CSMD1: variants seen among roughly 807,000 people sequenced by gnomAD.
CSMD1 encodes CUB and sushi domain-containing protein 1.
In CSMD1, 213 loss-of-function variants were observed where a neutral mutation model predicts 417.5. The observed-to-expected ratio is 0.51, with a 90% CI of 0.46 to 0.57. CSMD1 has a LOEUF of 0.57. CSMD1 is among the 20% of genes least tolerant of loss of function. The pLI is 0.00. For missense variants in CSMD1, 6,923 were observed against 4,529.7 expected (o/e 1.53, Z -15.17); for synonymous variants, 2,862 against 1,736.8 (o/e 1.65, Z -16.11).
At chr8:4,072,492 C>G (rs556145055) in intron 3 of CSMD1, among the ~76,000 whole-genome samples, 18 of 152,118 alleles carry the variant, frequency 1.2e-4, no homozygotes, top group Admixed American at 6.6e-4. Flanking sequence ...GGAATTGTGA[C>G]TATAATCCAT....
intron 21 of CSMD1, among the ~76,000 whole-genome samples, chr8:3,358,335 G>A (rs1808932502): frequency 6.6e-6 from 1 of 152,164 alleles, no homozygotes; most frequent in South Asian, 2.1e-4. Context: ...AGAACAATTT[G>A]TAAGACCCAG....
intron 1 of CSMD1, among the ~76,000 whole-genome samples, chr8:4,898,072 T>C (rs951083471): frequency 2.2e-4 from 33 of 152,114 alleles, no homozygotes; most frequent in Admixed American, 1.6e-3. Flanking sequence ...GTTGGAAATA[T>C]TTAGAAATGG....
At chr8:3,488,675 T>G (rs1009826033) in intron 11 of CSMD1, among the ~76,000 whole-genome samples, 9 of 152,102 alleles carry the variant, frequency 5.9e-5, no homozygotes, top group African/African-American at 2.2e-4. Flanking sequence ...AATAAATAAT[T>G]ATTTAAAGAA....
chr8:4,924,740 A>C (rs1806739024), intron 1 of CSMD1, among the ~76,000 whole-genome samples: 1 of 151,528 alleles, frequency 6.6e-6, no homozygotes, highest in Non-Finnish European at 1.5e-5. Context: ...AAAAAAAAAA[A>C]AAAAACCTAC....
At chr8:4,815,465 G>A (rs944928973) in intron 1 of CSMD1, among the ~76,000 whole-genome samples, 1 of 151,992 alleles carries the variant, frequency 6.6e-6, no homozygotes, top group African/African-American at 2.4e-5. Flanking sequence ...GGAGGCTGAG[G>A]TGGGAGCATC....
At chr8:3,192,143 C>G (rs1348942631) in intron 33 of CSMD1, among the ~76,000 whole-genome samples, 1 of 152,148 alleles carries the variant, frequency 6.6e-6, no homozygotes, top group African/African-American at 2.4e-5. Context: ...TATTTTCTAT[C>G]AGAAGGCAAA....
chr8:4,159,548 G>A (rs943356455), intron 3 of CSMD1, among the ~76,000 whole-genome samples: 3 of 152,146 alleles, frequency 2.0e-5, no homozygotes, highest in Admixed American at 6.6e-5. Context: ...AAAAAGCAAT[G>A]AATTAATGGT....
chr8:4,708,838 C>G (rs765272415), intron 1 of CSMD1, among the ~76,000 whole-genome samples: 1 of 152,026 alleles, frequency 6.6e-6, no homozygotes, highest in Non-Finnish European at 1.5e-5. Context: ...GTCCCTAATC[C>G]GACATGACTG....
chr8:4,625,527 C>A (rs957254634), intron 2 of CSMD1, among the ~76,000 whole-genome samples: 1 of 151,896 alleles, frequency 6.6e-6, no homozygotes, highest in Non-Finnish European at 1.5e-5. Flanking sequence ...TCCTCCCTAC[C>A]TGAACCATCT....
chr8:4,823,146 A>T (rs1422062092), intron 1 of CSMD1, among the ~76,000 whole-genome samples: 1 of 152,116 alleles, frequency 6.6e-6, no homozygotes, highest in Non-Finnish European at 1.5e-5. Flanking sequence ...TGCTTTATGC[A>T]GCAATCGTCA....
At chr8:3,396,484 C>G in intron 16 of CSMD1, 103 bp from the exon 17 acceptor site, 1 of 753,812 alleles carries the variant, frequency 1.3e-6, no homozygotes, top group Non-Finnish European at 2.1e-6. Context: ...TGTACGTTAA[C>G]ATGAAGAAAA....
intron 26 of CSMD1, among the ~76,000 whole-genome samples, chr8:3,241,013 C>T (rs1010228011): frequency 1.3e-5 from 2 of 149,722 alleles, no homozygotes; most frequent in African/African-American, 2.5e-5. Context: ...ATAAGGGGTG[C>T]ATGATCGGTC....
At chr8:3,573,105 ATTTAT>A (rs1800009895) in intron 10 of CSMD1, among the ~76,000 whole-genome samples, 1 of 152,124 alleles carries the variant, frequency 6.6e-6, no homozygotes, top group African/African-American at 2.4e-5. Context: ...GTTTTTTTCT[ATTTAT>A]CTTATGCTTG....
chr8:4,883,697 A>T (rs1371062966), intron 1 of CSMD1, among the ~76,000 whole-genome samples: 1 of 152,116 alleles, frequency 6.6e-6, no homozygotes, highest in Non-Finnish European at 1.5e-5. Context: ...TTGTATGGCC[A>T]TACCATATTT....
intron 7 of CSMD1, among the ~76,000 whole-genome samples, chr8:3,679,557 G>A (rs887708043): frequency 3.3e-5 from 5 of 152,138 alleles, no homozygotes; most frequent in Non-Finnish European, 2.9e-5. Flanking sequence ...GACCTACAGA[G>A]AGACTTAGAC....
At chr8:3,269,271 G>A (rs548481011) in intron 26 of CSMD1, among the ~76,000 whole-genome samples, 2 of 152,326 alleles carry the variant, frequency 1.3e-5, no homozygotes, top group South Asian at 2.1e-4. Context: ...ATAAAAATGT[G>A]CGGCCAGTTC....
At chr8:4,628,802 T>C (rs1362803935) in intron 2 of CSMD1, among the ~76,000 whole-genome samples, 1 of 152,070 alleles carries the variant, frequency 6.6e-6, no homozygotes, top group African/African-American at 2.4e-5. Context: ...CTACAACCTG[T>C]TAAAATTATA....
chr8:4,538,382 C>G (rs1361010657), intron 2 of CSMD1, among the ~76,000 whole-genome samples: 3 of 151,920 alleles, frequency 2.0e-5, no homozygotes, highest in Non-Finnish European at 4.4e-5. Context: ...ATGGCTTATG[C>G]CTGTAATCCA....
chr8:3,494,480 G>A (rs1213276644), intron 10 of CSMD1, among the ~76,000 whole-genome samples: 2 of 152,064 alleles, frequency 1.3e-5, no homozygotes, highest in Non-Finnish European at 2.9e-5. Flanking sequence ...AATACATGAT[G>A]ATAATTAGAG....
Sources: allele counts gnomAD v4.1 joint callset (sites outside exome capture counted in the v4.1 genomes callset), GRCh38; gene constraint gnomAD v4.1.1; transcripts MANE v1.5; gene names NCBI Gene and HGNC (gene_info 2026-07-23, HGNC 2026-07-21).